The following FAM200B variants were observed in gnomAD, a reference collection of about 807,000 sequenced individuals.
FAM200B encodes the protein zinc finger BED-type containing 11.
FAM200B carries 32 observed loss-of-function variants against 33.1 expected under a neutral mutation model. The observed-to-expected ratio is 0.97, with a 90% confidence interval of 0.73 to 1.30. The LOEUF (loss-of-function observed/expected upper bound fraction) is 1.30, where lower values mean the gene tolerates loss of function less well. Among genes scored for constraint, FAM200B ranks in the 50% most tolerant of loss-of-function variants. The pLI, the probability that FAM200B is intolerant of heterozygous loss-of-function variation, is 0.00. For missense variants in FAM200B, 741 were observed against 754.0 expected (o/e 0.98, Z 0.20); for synonymous variants, 240 against 264.8 (o/e 0.91, Z 0.91).
chr4:15,652,350 T>C, the FAM200B span, among the ~76,000 whole-genome samples: 1 of 152,194 alleles, frequency 6.6e-6, no homozygotes, highest in Non-Finnish European at 1.5e-5. Context: ...CATCTGAATC[T>C]ACCACTAGCT....
chr4:15,655,512 C>T, the FAM200B span: 1 of 358,046 alleles, frequency 2.8e-6, no homozygotes, highest in Non-Finnish European at 3.9e-6. Context: ...GCTTCTGCCT[C>T]CCGCCCCCAC....
Position 15,689,577 on chromosome 4 carries a change from C to T in FAM200B, c.*626C>T, listed in dbSNP as rs1193797656. 1 of 166,340 alleles carries T rather than the reference C, an allele frequency of 6.0e-6. No homozygotes were observed. Among genetic ancestry groups the T allele is most frequent in the Non-Finnish European group, 1.5e-5 (1 of 68,128 alleles). 10.3% of individuals were successfully genotyped at this position (166,340 alleles called of 1,614,324 possible). On this transcript the variant is annotated 3_prime_UTR_variant, in exon 2 of 2. Transcript: ENST00000422728. ...TCTGTTGAGCCCAGGAGTTCAAGAC[C>T]ATCCTGGGCAACATAGTGAGACCTT... is the stretch of plus-strand genomic sequence containing the variant.
chr4:15,653,701 C>T, the FAM200B span, among the ~76,000 whole-genome samples: 1 of 151,930 alleles, frequency 6.6e-6, no homozygotes, highest in Non-Finnish European at 1.5e-5. Flanking sequence ...TATTCAAAAG[C>T]CAGAGAGGAT....
At chr4:15,656,186 G>A in the FAM200B span, 2 of 456,186 alleles carry the variant, frequency 4.4e-6, no homozygotes, top group South Asian at 1.5e-5. Context: ...TACAAATCCC[G>A]CCATTTTAAG....
chr4:15,664,550 CTTTTTTTT>C, the FAM200B span, among the ~76,000 whole-genome samples: 2 of 75,522 alleles, frequency 2.6e-5, no homozygotes, highest in East Asian at 4.4e-4. Flanking sequence ...GGCCCTCATC[CTTTTTTTT>C]TTTTTTTTTT....
At chr4:15,639,307 T>TA in the FAM200B span, among the ~76,000 whole-genome samples, 1 of 152,360 alleles carries the variant, frequency 6.6e-6, no homozygotes, top group South Asian at 2.1e-4. Context: ...GTTAGATGTT[T>TA]AGGTCAGTTA....
chr4:15,686,997 A>G lies in FAM200B; in HGVS notation c.20A>G (p.Lys7Arg). MDHFFI[K>R]RKRNSEVKYT... is the part of the protein sequence containing the mutation. ...ATTAAAATGGATCATTTCTTTATTAAAAGAAAGAGGAATAGTGAAGTGAAA... is the reference window on the plus strand; with the variant it reads ...ATTAAAATGGATCATTTCTTTATTAGAAGAAAGAGGAATAGTGAAGTGAAA... The change falls in exon 2 of 2, where the codon AAA becomes AGA. Residue 7 changes from lysine (K) to arginine (R), a missense_variant. Coordinates refer to ENST00000422728, the MANE Select transcript of FAM200B (RefSeq NM_001145191.2). 1 of 1,407,022 alleles carries G rather than the reference A, an allele frequency of 7.1e-7. No homozygotes were observed. Among genetic ancestry groups the G allele is most frequent in the Non-Finnish European group, 9.4e-7 (1 of 1,062,674 alleles). The allele number at this position is 1,407,022 out of a possible 1,614,324, so 87.2% of individuals were successfully genotyped here.
rs1719273433 is a variant in FAM200B, at chr4:15,690,302, A to T, written c.*1351A>T. On this transcript the variant is annotated 3_prime_UTR_variant, in exon 2 of 2. Coordinates refer to ENST00000422728, the MANE Select transcript of FAM200B (RefSeq NM_001145191.2). Reference sequence around the variant, plus strand: ...CTGGGTGATATTATTTGGCATGGTCATTGTCATTAAAATCATACAGGATAG... The same window carrying T: ...CTGGGTGATATTATTTGGCATGGTCTTTGTCATTAAAATCATACAGGATAG... The T allele has an allele frequency of 6.0e-6, 1 of 167,028 alleles. No homozygotes were observed. The highest frequency in any genetic ancestry group is 1.5e-5 in the Non-Finnish European group (1 of 68,110). The allele number at this position is 167,028 out of a possible 1,614,324, so 10.3% of individuals were successfully genotyped here.
the FAM200B span, among the ~76,000 whole-genome samples, chr4:15,665,739 G>A: frequency 1.3e-5 from 2 of 152,140 alleles, no homozygotes; most frequent in Non-Finnish European, 2.9e-5. Flanking sequence ...AACTTAGGAT[G>A]AGAATATCTG....
rs571879184 is a variant in FAM200B, at chr4:15,687,516, G to A, written c.539G>A (p.Arg180His). Residue 180 changes from arginine to histidine, a missense_variant, in exon 2 of 2, where the codon CGT becomes CAT. By Grantham distance (29) the Arg-to-His change is conservative (BLOSUM62 0). Transcript: ENST00000422728. Reference sequence around the variant, plus strand: ...CTTCCAGCATGTTTGGATATGGTGCGTACAATATTTGATGATAAATCAGCT... The same window carrying A: ...CTTCCAGCATGTTTGGATATGGTGCATACAATATTTGATGATAAATCAGCT... ...IILPACLDMV[R>H]TIFDDKSADK... 7.5e-5 allele frequency: 116 copies of A among 1,550,616 alleles called. No individual in the cohort carries two copies. Among genetic ancestry groups the A allele is most frequent in the Admixed American group, 2.0e-4 (10 of 50,960 alleles).
At chr4:15,664,702 C>A in the FAM200B span, among the ~76,000 whole-genome samples, 1 of 151,714 alleles carries the variant, frequency 6.6e-6, no homozygotes, top group African/African-American at 2.4e-5. Flanking sequence ...GGATTACAGG[C>A]GCCTGATACC....
chr4:15,638,442 T>C, the FAM200B span: 2 of 1,225,512 alleles, frequency 1.6e-6, no homozygotes, highest in Non-Finnish European at 2.2e-6. Context: ...AAATCTACAG[T>C]TCATATCAGT....
the FAM200B span, among the ~76,000 whole-genome samples, chr4:15,667,585 A>G: frequency 2.0e-5 from 3 of 152,168 alleles, no homozygotes; most frequent in Non-Finnish European, 4.4e-5. Context: ...GATCTTTTTA[A>G]TAGAAAAATG....
chr4:15,666,124 C>A, the FAM200B span, among the ~76,000 whole-genome samples: 341 of 152,182 alleles, frequency 2.2e-3, 1 homozygote, highest in African/African-American at 7.6e-3. Flanking sequence ...TGGGACTGGG[C>A]ACGGTGGTTC....
Position 15,689,057 on chromosome 4 carries a change from T to C in FAM200B, c.*106T>C, listed in dbSNP as rs140149362. 1.4e-4 allele frequency: 119 copies of C among 879,332 alleles called. No homozygotes were observed. The African/African-American group carries it at 1.8e-3, about 14-fold the overall frequency. 54.5% of individuals were successfully genotyped at this position (879,332 alleles called of 1,614,324 possible). A position where few individuals can be genotyped will look rare whatever the true frequency, so the allele number is the denominator to read the frequency against. ...TAATACTGTGATACTTTTGTTATGT[T>C]TTAATTTTTGTTATATTTAATAAAA... On this transcript the variant is annotated 3_prime_UTR_variant, in exon 2 of 2. Transcript: ENST00000422728.
chr4:15,671,958 A>G, the FAM200B span, among the ~76,000 whole-genome samples: 1 of 152,150 alleles, frequency 6.6e-6, no homozygotes, highest in Non-Finnish European at 1.5e-5. Context: ...GAATTCTAAC[A>G]TGTCACTTTT....
At chr4:15,654,489 T>C in the FAM200B span, among the ~76,000 whole-genome samples, 2 of 152,170 alleles carry the variant, frequency 1.3e-5, no homozygotes, top group African/African-American at 2.4e-5. Flanking sequence ...TTCGAGCTCA[T>C]ATAAAGAAAT....
chr4:15,676,845 A>G, upstream of FAM200B, among the ~76,000 whole-genome samples: 1 of 152,198 alleles, frequency 6.6e-6, no homozygotes, highest in East Asian at 1.9e-4. Flanking sequence ...ATGTTACCTA[A>G]TATATCACTA....
the FAM200B span, chr4:15,655,113 G>A: frequency 1.9e-6 from 2 of 1,037,714 alleles, no homozygotes; most frequent in Non-Finnish European, 2.5e-6. Context: ...CGGGGCTGCG[G>A]GCGCGGCGCA....
Sources: gnomAD v4.1 joint callset for allele counts (sites outside exome capture counted in the v4.1 genomes callset) on GRCh38, gnomAD v4.1.1 for gene constraint, MANE v1.5 for transcripts, NCBI Gene and HGNC (gene_info 2026-07-23, HGNC 2026-07-21) for gene names.